Variants in SIRPG observed in about 807,000 individuals in gnomAD.
SIRPG encodes signal regulatory protein gamma, also known as signal-regulatory protein gamma.
A neutral mutation model predicts 35.7 loss-of-function variants in SIRPG; 38 were observed. That is an observed-to-expected ratio of 1.06 (90% CI 0.82 to 1.40). The LOEUF is 1.40. Among genes scored for constraint, SIRPG ranks in the 40% most tolerant of loss-of-function variants. The pLI is 0.00. For missense variants in SIRPG, 519 were observed against 483.0 expected (o/e 1.07, Z -0.70); for synonymous variants, 215 against 190.4 (o/e 1.13, Z -1.06).
the SIRPG span, among the ~76,000 whole-genome samples, chr20:1,664,364 A>C: frequency 6.6e-6 from 1 of 152,208 alleles, no homozygotes; most frequent in Admixed American, 6.5e-5. Flanking sequence ...TCAAGAGGCA[A>C]TAGAGAACCT....
chr20:1,657,853 T>C, upstream of SIRPG: 2 of 705,682 alleles, frequency 2.8e-6, no homozygotes, highest in Non-Finnish European at 2.3e-6. Context: ...AGTAACCTGC[T>C]TCTAGATTGT....
chr20:1,673,379 G>A, the SIRPG span, among the ~76,000 whole-genome samples: 2,186 of 152,102 alleles, frequency 0.014, 50 homozygotes, highest in African/African-American at 0.049. Flanking sequence ...GAGGAGGCCC[G>A]GCTGGCCAAG....
chr20:1,649,514 G>A, intron 1 of SIRPG, 106 bp from the exon 2 acceptor site: 1 of 1,024,818 alleles, frequency 9.8e-7, no homozygotes, highest in Non-Finnish European at 1.4e-6. Context: ...GGAATCAGGA[G>A]CAGGACTTGA....
At chr20:1,640,791 C>A (rs1014203691) in intron 2 of SIRPG, among the ~76,000 whole-genome samples, 5 of 152,074 alleles carry the variant, frequency 3.3e-5, no homozygotes, top group African/African-American at 1.2e-4. Context: ...CCGTTAATAC[C>A]TAATTTATTG....
chr20:1,673,485 C>T, the SIRPG span, among the ~76,000 whole-genome samples: 7 of 152,128 alleles, frequency 4.6e-5, no homozygotes, highest in East Asian at 9.7e-4. Flanking sequence ...ACAAATGACC[C>T]CTGTGACTGT....
chr20:1,658,836 G>C (rs1250029816), upstream of SIRPG, among the ~76,000 whole-genome samples: 1 of 152,206 alleles, frequency 6.6e-6, no homozygotes, highest in East Asian at 1.9e-4. Context: ...AGCAACCCAG[G>C]CCTCCTGAGA....
At chr20:1,683,135 G>A in the SIRPG span, among the ~76,000 whole-genome samples, 2 of 152,102 alleles carry the variant, frequency 1.3e-5, no homozygotes, top group Non-Finnish European at 2.9e-5. Context: ...TGGCCAGCAG[G>A]CATATAAAAA....
intron 1 of SIRPG, among the ~76,000 whole-genome samples, chr20:1,649,629 CTTTT>C (rs35561366): frequency 0.016 from 1,240 of 75,794 alleles, 29 homozygotes; most frequent in African/African-American, 0.064. Context: ...CAGAGAGGTT[CTTTT>C]TTTTTTTTTT....
chr20:1,679,362 G>A, the SIRPG span, among the ~76,000 whole-genome samples: 1 of 152,174 alleles, frequency 6.6e-6, no homozygotes, highest in African/African-American at 2.4e-5. Flanking sequence ...ACCAGGTACA[G>A]CAGTGTGATA....
Position 1,649,162 on chromosome 20 carries a change from C to T in SIRPG, c.320G>A (p.Ser107Asn), listed in dbSNP as rs2091919816. Reference protein sequence around the residue: ...RNNMDFSIRISSITPADVGTY... With the variant: ...RNNMDFSIRINSITPADVGTY... ...GCCGACATCTGCTGGGGTGATGCTA[C>T]TGATGCGGATGGAAAAGTCCATGTT... The change falls in exon 2 of 6, where the codon AGT (serine) becomes AAT (asparagine). Residue 107 changes from serine (S) to asparagine (N), a missense_variant. Physicochemically the swap from Ser to Asn is conservative, Grantham distance 46. Transcript: ENST00000303415. 1 of 1,613,992 alleles carries T rather than the reference C, an allele frequency of 6.2e-7. No individual in the cohort carries two copies. The highest frequency in any genetic ancestry group is 1.3e-5 in the African/African-American group (1 of 74,908).
upstream of SIRPG, among the ~76,000 whole-genome samples, chr20:1,661,091 T>C (rs2091994570): frequency 6.6e-6 from 1 of 152,230 alleles, no homozygotes; most frequent in Non-Finnish European, 1.5e-5. Context: ...AGTATTACCA[T>C]TATCATTATA....
At chr20:1,638,639 C>T (rs908867488) in intron 2 of SIRPG, among the ~76,000 whole-genome samples, 3 of 152,114 alleles carry the variant, frequency 2.0e-5, no homozygotes, top group African/African-American at 7.2e-5. Context: ...TTCTGGGATA[C>T]AAGTGCAGAA....
chr20:1,644,098 G>A (rs1404804033), intron 2 of SIRPG, among the ~76,000 whole-genome samples: 3 of 152,238 alleles, frequency 2.0e-5, no homozygotes, highest in African/African-American at 7.2e-5. Flanking sequence ...CTGTCCCTTG[G>A]TGGAGTGAGT....
rs2091732455 is a variant in SIRPG at position 1,629,525 on chromosome 20, A to G, written c.*114T>C. On this transcript the variant is annotated 3_prime_UTR_variant, in exon 6 of 6. Coordinates refer to ENST00000303415, the MANE Select transcript of SIRPG (RefSeq NM_018556.4). ...ATGTCTTGGGAGGGGAGATGTTTGGAGCCAAGTCTAGAGAAGCTTCTCACT... is the reference window on the plus strand; with the variant it reads ...ATGTCTTGGGAGGGGAGATGTTTGGGGCCAAGTCTAGAGAAGCTTCTCACT... 6.6e-6 allele frequency: 1 copy of G among 152,240 alleles called. No individual in the cohort carries two copies. The highest frequency in any genetic ancestry group is 2.4e-5 in the African/African-American group (1 of 41,416). The allele number at this position is 152,240 out of a possible 1,614,324, so 9.4% of individuals were successfully genotyped here.
chr20:1,630,086 T>C, intron 5 of SIRPG, 136 bp downstream of exon 5: 1 of 675,944 alleles, frequency 1.5e-6, no homozygotes, highest in South Asian at 1.7e-5. Context: ...TTTAAAGGGT[T>C]CCCCAAGACT....
chr20:1,672,313 T>A, the SIRPG span, among the ~76,000 whole-genome samples: 1 of 152,284 alleles, frequency 6.6e-6, no homozygotes, highest in Non-Finnish European at 1.5e-5. Flanking sequence ...TTTATGAATT[T>A]GTTCCATATA....
the SIRPG span, chr20:1,671,213 C>T: frequency 1.2e-5 from 3 of 251,500 alleles, no homozygotes; most frequent in East Asian, 1.3e-4. Flanking sequence ...AAAGGAGCAT[C>T]GATAAACAGG....
the SIRPG span, chr20:1,666,782 C>T: frequency 6.6e-6 from 1 of 152,294 alleles, no homozygotes; most frequent in African/African-American, 2.4e-5. Flanking sequence ...GCAAACAGTT[C>T]TGCTAGCTCC....
the SIRPG span, among the ~76,000 whole-genome samples, chr20:1,677,442 G>A: frequency 3.7e-3 from 560 of 152,166 alleles, 3 homozygotes; most frequent in African/African-American, 0.012. Flanking sequence ...TCTCCCTTCC[G>A]CAGAGACCCA....
Sources: gnomAD v4.1 joint callset for allele counts (sites outside exome capture counted in the v4.1 genomes callset) on GRCh38, gnomAD v4.1.1 for gene constraint, MANE v1.5 for transcripts, NCBI Gene and HGNC (gene_info 2026-07-23, HGNC 2026-07-21) for gene names.